The following MAP2 variants were observed in gnomAD, a reference collection of about 807,000 sequenced individuals.
MAP2 encodes the protein microtubule associated protein 2.
Under a neutral mutation model 137.6 loss-of-function variants are expected in MAP2, and 14 were observed. The observed-to-expected ratio is 0.10, with a 90% CI of 0.07 to 0.16. The LOEUF (loss-of-function observed/expected upper bound fraction) is 0.16, where lower values mean the gene tolerates loss of function less well. Among genes scored for constraint, MAP2 ranks in the 10% least tolerant of loss-of-function variants. The probability of loss-of-function intolerance (pLI) is 1.00; values close to 1 mark genes in which losing one functional copy is unlikely to be tolerated. For synonymous variants in MAP2, 786 were observed against 782.3 expected (o/e 1.00, Z -0.08); for missense variants, 2,088 against 2,191.5 (o/e 0.95, Z 0.94).
At chr2:209,640,061 T>C (rs550130824) in intron 4 of MAP2, among the ~76,000 whole-genome samples, 1 of 152,264 alleles carries the variant, frequency 6.6e-6, no homozygotes, top group African/African-American at 2.4e-5. Flanking sequence ...GATTTGGTCA[T>C]CTAGGCTCTT....
At chr2:209,668,102 T>C (rs1318541244) in intron 5 of MAP2, among the ~76,000 whole-genome samples, 1 of 152,080 alleles carries the variant, frequency 6.6e-6, no homozygotes, top group East Asian at 1.9e-4. Flanking sequence ...CAACCAGAGC[T>C]ATTTCAATAA....
intron 2 of MAP2, among the ~76,000 whole-genome samples, chr2:209,547,996 A>AT: frequency 6.6e-6 from 1 of 152,264 alleles, no homozygotes; most frequent in Admixed American, 6.5e-5. Flanking sequence ...TCCTTTTCCC[A>AT]TTTTTTAACT....
intron 5 of MAP2, among the ~76,000 whole-genome samples, chr2:209,660,030 T>G (rs1055790500): frequency 1.3e-5 from 2 of 151,760 alleles, no homozygotes; most frequent in Non-Finnish European, 2.9e-5. Flanking sequence ...AGAGCGAGAC[T>G]CAGTCTCAAA....
chr2:209,490,671 C>T (rs1197561707), intron 1 of MAP2, among the ~76,000 whole-genome samples: 1 of 118,118 alleles, frequency 8.5e-6, no homozygotes, highest in African/African-American at 3.2e-5. Flanking sequence ...ATAAAACAGA[C>T]TTTAAACCAA....
intron 2 of MAP2, among the ~76,000 whole-genome samples, chr2:209,574,649 T>C (rs950751928): frequency 3.9e-5 from 6 of 152,332 alleles, no homozygotes; most frequent in African/African-American, 1.4e-4. Flanking sequence ...AATTGGCATT[T>C]TGTAGGTAAA....
At chr2:209,582,713 G>A (rs1176915750) in intron 3 of MAP2, among the ~76,000 whole-genome samples, 1 of 151,228 alleles carries the variant, frequency 6.6e-6, no homozygotes, top group Non-Finnish European at 1.5e-5. Flanking sequence ...AATATTTTCT[G>A]TATATTTAAG....
At chr2:209,667,054 TA>T (rs2153652730) in intron 5 of MAP2, among the ~76,000 whole-genome samples, 1 of 152,192 alleles carries the variant, frequency 6.6e-6, no homozygotes, top group African/African-American at 2.4e-5. Flanking sequence ...ATTTGCTTTT[TA>T]AAGAGTATTT....
rs1165357745 is a variant in MAP2, at chr2:209,694,223, A to G, written c.2053A>G (p.Arg685Gly). The change falls in exon 8 of 16, where the codon AGG (arginine) becomes GGG (glycine). Residue 685 changes from arginine (R) to glycine (G), a missense_variant. Physicochemically the swap from Arg to Gly is moderately radical, Grantham distance 125. Coordinates refer to ENST00000682079, the MANE Select transcript of MAP2 (RefSeq NM_001375505.1). Reference protein sequence around the residue: ...SKNKDDLTLSRSLGLGGRSAI... With the variant: ...SKNKDDLTLSGSLGLGGRSAI... ...GAATAAGGATGATTTGACCCTTAGC[A>G]GGAGTTTAGGACTTGGTGGTAGGTC... 1.9e-6 allele frequency: 3 copies of G among 1,614,124 alleles called. No individual in the cohort carries two copies. The highest frequency in any genetic ancestry group is 1.7e-6 in the Non-Finnish European group (2 of 1,179,992).
intron 1 of MAP2, among the ~76,000 whole-genome samples, chr2:209,428,377 ATTTCT>A (rs1693161129): frequency 7.3e-6 from 1 of 136,384 alleles, no homozygotes. Context: ...GAGGGGGCAA[ATTTCT>A]TTTTTTTTTT....
At chr2:209,688,750 G>A (rs1217040918) in intron 7 of MAP2, among the ~76,000 whole-genome samples, 1 of 152,160 alleles carries the variant, frequency 6.6e-6, no homozygotes, top group Admixed American at 6.5e-5. Context: ...AAAAGGTACA[G>A]CTAAATATAT....
At chr2:209,427,221 T>C (rs193057067) in intron 1 of MAP2, among the ~76,000 whole-genome samples, 3 of 152,274 alleles carry the variant, frequency 2.0e-5, no homozygotes, top group Admixed American at 2.0e-4. Flanking sequence ...TCTGAAATAA[T>C]AGTTACAGTA....
chr2:209,435,940 A>T (rs796721773), intron 1 of MAP2, among the ~76,000 whole-genome samples: 19 of 138,636 alleles, frequency 1.4e-4, no homozygotes, highest in South Asian at 4.4e-4. Flanking sequence ...TATATATATA[A>T]TATATACTAT....
Position 209,482,229 on chromosome 2 carries a change from TG to T in MAP2, c.-221-25362del, listed in dbSNP as rs1415589735. Among the ~76,000 whole-genome samples the T allele has an allele frequency of 7.2e-5, 11 of 152,354 alleles. No homozygotes were observed. In the South Asian group the frequency reaches 2.3e-3, roughly 32 times the overall value. On this transcript the variant is annotated intron_variant, in intron 1 of 15. Transcript: ENST00000682079. ...GTAACTCTCTGAGGGCAGAGTGCTA[TG>T]CTTGCTTTCTATCTCATACAGTATA...
chr2:209,466,629 G>T (rs565530814), intron 1 of MAP2, among the ~76,000 whole-genome samples: 1 of 152,114 alleles, frequency 6.6e-6, no homozygotes. Context: ...ACTTAATTAA[G>T]AGGTAATGGA....
At chr2:209,720,689 T>A (rs1385701964) in intron 13 of MAP2, among the ~76,000 whole-genome samples, 1 of 149,172 alleles carries the variant, frequency 6.7e-6, no homozygotes, top group African/African-American at 2.5e-5. Context: ...GAGATTAAAA[T>A]GTGATTTAGA....
chr2:209,523,829 C>T (rs1027070007), intron 2 of MAP2, among the ~76,000 whole-genome samples: 1 of 152,222 alleles, frequency 6.6e-6, no homozygotes, highest in East Asian at 1.9e-4. Context: ...ATAATTTAAA[C>T]ATAACTTTTA....
chr2:209,447,619 CATG>C (rs1699376656), intron 1 of MAP2, among the ~76,000 whole-genome samples: 1 of 151,968 alleles, frequency 6.6e-6, no homozygotes, highest in South Asian at 2.1e-4. Flanking sequence ...AGAGGGTAGT[CATG>C]ATGAGGGTAT....
At chr2:209,532,486 A>T (rs1020170255) in intron 2 of MAP2, among the ~76,000 whole-genome samples, 23 of 152,184 alleles carry the variant, frequency 1.5e-4, no homozygotes, top group Middle Eastern at 3.2e-3. Flanking sequence ...TGTAACTGAG[A>T]TTGAGTCAAG....
chr2:209,624,298 C>G (rs2091889930), intron 3 of MAP2, among the ~76,000 whole-genome samples: 2 of 152,060 alleles, frequency 1.3e-5, no homozygotes, highest in African/African-American at 4.8e-5. Flanking sequence ...ATTTAGATAC[C>G]TAGTATAAGA....
Sources: gnomAD v4.1 joint callset for allele counts (sites outside exome capture counted in the v4.1 genomes callset) on GRCh38, gnomAD v4.1.1 for gene constraint, MANE v1.5 for transcripts, NCBI Gene and HGNC (gene_info 2026-07-23, HGNC 2026-07-21) for gene names.